ACAP1: variants seen among roughly 807,000 people sequenced by gnomAD.
ACAP1 encodes the protein arf-GAP with coiled-coil, ANK repeat and PH domain-containing protein 1.
In ACAP1, 45 loss-of-function variants were observed where a neutral mutation model predicts 98.8. The observed-to-expected ratio is 0.46, with a 90% CI of 0.36 to 0.58. ACAP1 has a LOEUF of 0.58. Ranked by LOEUF, ACAP1 falls within the 20% of genes least tolerant of loss-of-function variation. The probability of loss-of-function intolerance (pLI) is 0.00; values close to 1 mark genes in which losing one functional copy is unlikely to be tolerated. For synonymous variants in ACAP1, 362 were observed against 375.3 expected (o/e 0.96, Z 0.41); for missense variants, 735 against 971.4 (o/e 0.76, Z 3.24).
Position 7,347,183 on chromosome 17 carries a change from G to A in ACAP1, c.1284G>A (p.Pro428=), listed in dbSNP as rs373535482. 22 of 1,613,980 alleles carry A rather than the reference G, an allele frequency of 1.4e-5. No homozygotes were observed. Among genetic ancestry groups the A allele is most frequent in the East Asian group, 2.2e-5 (1 of 44,902 alleles). The change falls in exon 14 of 22, where the codon CCG becomes CCA. Residue 428 remains proline (P), a synonymous_variant. Transcript: ENST00000158762. ...GCTGCGACTGCCGGGAGCCAGCCCC[G>A]GAGTGGGCCAGCATCAACCTTGGTG... ...AQCCDCREPA[P]EWASINLGVT... is the part of the protein sequence containing the mutation.
chr17:7,337,521 GT>G, intron 2 of ACAP1, 152 bp downstream of exon 2: 1 of 683,132 alleles, frequency 1.5e-6, no homozygotes, highest in Non-Finnish European at 2.5e-6. Context: ...AAAAAAGGTG[GT>G]TCTGTACCGA....
intron 10 of ACAP1, chr17:7,345,980 A>C (rs1165340881): frequency 2.2e-6 from 1 of 448,502 alleles, no homozygotes; most frequent in Non-Finnish European, 4.1e-6. Flanking sequence ...AGCAATAGAC[A>C]TTTTATTAGA....
chr17:7,342,094 G>A (rs2073288368), intron 3 of ACAP1, 27 bp downstream of exon 3: 3 of 1,612,904 alleles, frequency 1.9e-6, no homozygotes, highest in Non-Finnish European at 8.5e-7. Flanking sequence ...CATCTGGGAG[G>A]GAAGGGGTCT....
At chr17:7,341,061 C>T (rs756204166) in intron 2 of ACAP1, among the ~76,000 whole-genome samples, 13 of 152,100 alleles carry the variant, frequency 8.5e-5, no homozygotes, top group Non-Finnish European at 1.6e-4. Context: ...GGCCCTGACC[C>T]GTGGTCTAGA....
chr17:7,350,885 C>T lies in ACAP1; in HGVS notation c.2073-65C>T, dbSNP rs982121838. On this transcript the variant is annotated intron_variant, in intron 20 of 21. Transcript: ENST00000158762. This position sits in a 1 kb window ranked among gnomAD's most constrained non-coding sequence, Gnocchi z 4.6. The stretch of plus-strand genomic sequence containing the variant: ...TCGGCCTCCCAAAGTGTTGGGATTA[C>T]AGGCGTGAGCCACCGCGCCCGGCCA... The T allele has an allele frequency of 3.9e-6, 6 of 1,542,904 alleles. No homozygotes were observed. In the African/African-American group the frequency reaches 5.4e-5, roughly 14 times the overall value.
chr17:7,342,091 G>C, intron 3 of ACAP1, 24 bp downstream of exon 3: 1 of 1,613,012 alleles, frequency 6.2e-7, no homozygotes, highest in South Asian at 1.1e-5. Flanking sequence ...CTGCATCTGG[G>C]AGGGAAGGGG....
In ACAP1 at chr17:7,344,475, G is replaced by A. The variant is rs1711705030; in HGVS notation, c.745-64G>A. 8.5e-7 allele frequency: 1 copy of A among 1,171,892 alleles called. No individual in the cohort carries two copies. Among genetic ancestry groups the A allele is most frequent in the East Asian group, 2.6e-5 (1 of 39,018 alleles). The allele number at this position is 1,171,892 out of a possible 1,614,324, so 72.6% of individuals were successfully genotyped here. A position where few individuals can be genotyped will look rare whatever the true frequency, so the allele number is the denominator to read the frequency against. On this transcript the variant is annotated intron_variant, in intron 9 of 21. Coordinates refer to ENST00000158762, the MANE Select transcript of ACAP1 (RefSeq NM_014716.4). This position sits in a 1 kb window ranked among gnomAD's most constrained non-coding sequence, Gnocchi z 4.9. ...TAAGGGCTAGGGCTGTGGGCAGGAG[G>A]CAGATGCCTATGGCCTTGGTGTCTG...
chr17:7,350,317 GC>G lies in ACAP1; in HGVS notation c.2072+81del. On this transcript the variant is annotated intron_variant, in intron 20 of 21. Coordinates refer to ENST00000158762, the MANE Select transcript of ACAP1 (RefSeq NM_014716.4). This position sits in a 1 kb window ranked among gnomAD's most constrained non-coding sequence, Gnocchi z 4.6. Reference sequence around the variant, plus strand: ...ACCCACGTTCGGGCGGGCGGGCGGGGCTGACGCCGAAACAGAAGCCTGTGCT... The same window carrying G: ...ACCCACGTTCGGGCGGGCGGGCGGGGTGACGCCGAAACAGAAGCCTGTGCT... 1 of 1,141,490 alleles carries G rather than the reference GC, an allele frequency of 8.8e-7. No individual in the cohort carries two copies. Among genetic ancestry groups the G allele is most frequent in the Admixed American group, 2.3e-5 (1 of 43,900 alleles). 70.7% of individuals were successfully genotyped at this position (1,141,490 alleles called of 1,614,324 possible).
intron 2 of ACAP1, 22 bp downstream of exon 2, chr17:7,337,391 G>A: frequency 6.2e-7 from 1 of 1,612,334 alleles, no homozygotes; most frequent in Non-Finnish European, 8.5e-7. Flanking sequence ...ATGGAGAGGT[G>A]ACCCAGGAGT....
intron 2 of ACAP1, among the ~76,000 whole-genome samples, chr17:7,337,717 A>C (rs954188579): frequency 3.3e-5 from 5 of 152,072 alleles, no homozygotes; most frequent in African/African-American, 1.2e-4. Flanking sequence ...ATCCAGGCTT[A>C]GTGGCACCCA....
intron 21 of ACAP1, 54 bp downstream of exon 21, chr17:7,351,053 C>G (rs2073404503): frequency 1.3e-6 from 2 of 1,558,228 alleles, no homozygotes; most frequent in Non-Finnish European, 1.8e-6. Context: ...CTCTGGGCTT[C>G]TGGTCCACGG....
Position 7,338,841 on chromosome 17 carries a change from C to G in ACAP1, c.111+1472C>G, listed in dbSNP as rs762694039. Among the ~76,000 whole-genome samples, 153 of 152,026 alleles carry G rather than the reference C, an allele frequency of 1.0e-3. 1 individual carries two copies. The Middle Eastern group carries it at 0.02, about 20-fold the overall frequency. ...GAATTACAGGTGTGAGCCACCACACCTGGCCTGAATTTTTTATTTTGAGTA... is the reference window on the plus strand; with the variant it reads ...GAATTACAGGTGTGAGCCACCACACGTGGCCTGAATTTTTTATTTTGAGTA... On this transcript the variant is annotated intron_variant, in intron 2 of 21. Transcript: ENST00000158762.
chr17:7,348,844 C>A, intron 17 of ACAP1, 151 bp from the exon 18 acceptor site: 1 of 725,098 alleles, frequency 1.4e-6, no homozygotes, highest in Non-Finnish European at 2.3e-6. Flanking sequence ...CTTACACATA[C>A]CCACACTTGC....
Position 7,343,650 on chromosome 17 carries a change from G to T in ACAP1, c.529-56G>T. Reference sequence around the variant, plus strand: ...GGTCTCCAGTGTGCAGTGGGAAGGGGTGCTGTGTCTTCAAGACTGATCTGG... The same window carrying T: ...GGTCTCCAGTGTGCAGTGGGAAGGGTTGCTGTGTCTTCAAGACTGATCTGG... On this transcript the variant is annotated intron_variant, in intron 6 of 21. Transcript: ENST00000158762. The surrounding 1 kb of genome is among the most constrained non-coding windows in gnomAD (Gnocchi z 4.9). 2.5e-6 allele frequency: 4 copies of T among 1,600,686 alleles called. No individual in the cohort carries two copies. Among genetic ancestry groups the T allele is most frequent in the African/African-American group, 1.3e-5 (1 of 74,860 alleles).
rs2073354817 is a variant in ACAP1 at position 7,347,161 on chromosome 17, G to A, written c.1262G>A (p.Cys421Tyr). 6.2e-7 allele frequency: 1 copy of A among 1,614,012 alleles called. No homozygotes were observed. Among genetic ancestry groups the A allele is most frequent in the South Asian group, 1.1e-5 (1 of 91,092 alleles). ...VQSVDGNAQC[C>Y]DCREPAPEWA... ...AGTGTGGATGGCAATGCCCAGTGCT[G>A]CGACTGCCGGGAGCCAGCCCCGGAG... The change falls in exon 14 of 22, where the codon TGC becomes TAC. Residue 421 changes from cysteine to tyrosine, a missense_variant. Transcript: ENST00000158762.
In ACAP1 at chr17:7,342,257, G is replaced by C; in HGVS notation, c.232-18G>C. The C allele has an allele frequency of 6.2e-7, 1 of 1,613,916 alleles. No homozygotes were observed. The highest frequency in any genetic ancestry group is 8.5e-7 in the Non-Finnish European group (1 of 1,179,936). On this transcript the variant is annotated intron_variant, in intron 3 of 21. Coordinates refer to ENST00000158762, the MANE Select transcript of ACAP1 (RefSeq NM_014716.4). ...CCACCCCATGCCTGGTACTCTTTCTGTGCCTCTTCTTGCCTAGGAGTGTCT... is the reference window on the plus strand; with the variant it reads ...CCACCCCATGCCTGGTACTCTTTCTCTGCCTCTTCTTGCCTAGGAGTGTCT...
intron 18 of ACAP1, chr17:7,349,694 G>C (rs2073383630): frequency 2.2e-6 from 1 of 454,302 alleles, no homozygotes; most frequent in Non-Finnish European, 3.9e-6. Flanking sequence ...CTTTTAACAA[G>C]TTATTAACCT....
intron 13 of ACAP1, 46 bp downstream of exon 13, chr17:7,346,977 G>A: frequency 6.3e-7 from 1 of 1,588,556 alleles, no homozygotes; most frequent in Non-Finnish European, 8.6e-7. Context: ...GTGGAGATGG[G>A]GCACCCTTTA....
At chr17:7,346,213 CTA>C in intron 10 of ACAP1, 29 bp from the exon 11 acceptor site, 2 of 1,610,416 alleles carry the variant, frequency 1.2e-6, no homozygotes, top group Non-Finnish European at 8.5e-7. Flanking sequence ...CTAAAGCTGC[CTA>C]TGTCTGTAAT....
Sources: gnomAD v4.1 joint callset for allele counts (sites outside exome capture counted in the v4.1 genomes callset) on GRCh38, gnomAD v4.1.1 for gene constraint, Gnocchi (gnomAD v3.1) non-coding constraint, MANE v1.5 for transcripts, NCBI Gene and HGNC (gene_info 2026-07-23, HGNC 2026-07-21) for gene names.